TXNRD1: variants seen among roughly 807,000 people sequenced by gnomAD.
TXNRD1 encodes thioredoxin reductase 1, also known as thioredoxin reductase 1, cytoplasmic.
TXNRD1 carries 57 observed loss-of-function variants against 80.3 expected under a neutral mutation model. The observed-to-expected ratio is 0.71, with a 90% CI of 0.57 to 0.89. TXNRD1 has a LOEUF of 0.89. Ranked by LOEUF, TXNRD1 falls within the 40% of genes least tolerant of loss-of-function variation. The pLI, the probability that TXNRD1 is intolerant of heterozygous loss-of-function variation, is 0.00. For synonymous variants in TXNRD1, 291 were observed against 285.2 expected, an observed-to-expected ratio of 1.02 and a Z score of -0.20; for missense variants, 730 against 803.0, an observed-to-expected ratio of 0.91 and a Z score of 1.10.
rs111445460 is a variant in TXNRD1 at position 104,324,004 on chromosome 12, G to A, written c.1216-1333G>A. The stretch of plus-strand genomic sequence containing the variant: ...GAATGGAAGGAACCTTCTGTGGAGA[G>A]TGGGGAGAGGGTACATTTTGGACAG... On this transcript the variant is annotated intron_variant, in intron 10 of 16. Transcript: ENST00000525566. Among the ~76,000 whole-genome samples the A allele has an allele frequency of 6.9e-3, 1,045 of 152,284 alleles. 11 individuals are homozygous for A. Among genetic ancestry groups the A allele is most frequent in the Non-Finnish European group, 0.011 (738 of 68,004 alleles).
intron 2 of TXNRD1, among the ~76,000 whole-genome samples, chr12:104,254,723 A>C (rs1269239365): frequency 6.9e-6 from 1 of 144,818 alleles, no homozygotes; most frequent in Non-Finnish European, 1.5e-5. Flanking sequence ...AGGTGAGAGG[A>C]TCACTTGAGC....
At chr12:104,265,418 A>G (rs1413923190) in intron 3 of TXNRD1, 1 of 1,604,458 alleles carries the variant, frequency 6.2e-7, no homozygotes, top group Non-Finnish European at 8.5e-7. Context: ...GCGCCTAATC[A>G]TGTCGTCGCC....
chr12:104,291,196 CTTTTTTTT>C (rs35069007), intron 4 of TXNRD1: 15 of 136,344 alleles, frequency 1.1e-4, no homozygotes, highest in Non-Finnish European at 1.6e-4. Flanking sequence ...TACTTTGTGT[CTTTTTTTT>C]TTTTTTTTTT....
At chr12:104,277,199 G>A (rs540251714) in intron 3 of TXNRD1, among the ~76,000 whole-genome samples, 1 of 150,650 alleles carries the variant, frequency 6.6e-6, no homozygotes, top group African/African-American at 2.4e-5. Context: ...AGACCATCCT[G>A]GCTAATGCGG....
intron 1 of TXNRD1, among the ~76,000 whole-genome samples, chr12:104,234,638 G>A (rs1431272902): frequency 3.2e-5 from 4 of 125,898 alleles, no homozygotes; most frequent in Non-Finnish European, 1.6e-5. Context: ...TAAAGTCAGG[G>A]AAAAAAAAAA....
At chr12:104,323,345 G>A (rs1447890119) in intron 10 of TXNRD1, among the ~76,000 whole-genome samples, 4 of 151,342 alleles carry the variant, frequency 2.6e-5, no homozygotes, top group African/African-American at 7.3e-5. Context: ...GGTGGTGGCC[G>A]GGCAGAGGGG....
intron 7 of TXNRD1, among the ~76,000 whole-genome samples, chr12:104,317,472 G>T (rs11111990): frequency 2.7e-5 from 4 of 148,476 alleles, no homozygotes; most frequent in East Asian, 4.0e-4. Flanking sequence ...TGTTCTCTTA[G>T]AGGCTATAAA....
chr12:104,343,890 G>A (rs2036408435), intron 16 of TXNRD1, among the ~76,000 whole-genome samples: 1 of 151,450 alleles, frequency 6.6e-6, no homozygotes, highest in Non-Finnish European at 1.5e-5. Flanking sequence ...GATCATCTGA[G>A]GTCAGGAGTT....
chr12:104,328,700 C>T (rs373852152), intron 13 of TXNRD1, among the ~76,000 whole-genome samples: 20 of 147,430 alleles, frequency 1.4e-4, no homozygotes, highest in African/African-American at 4.5e-4. Context: ...CGGAGCTTGC[C>T]GTGAGCCGAG....
Position 104,327,531 on chromosome 12 carries a change from G to A in TXNRD1, c.1402G>A (p.Val468Ile). The A allele has an allele frequency of 6.2e-7, 1 of 1,612,610 alleles. No homozygotes were observed. Among genetic ancestry groups the A allele is most frequent in the African/African-American group, 1.3e-5 (1 of 74,950 alleles). The change falls in exon 13 of 17, where the codon GTC (valine) becomes ATC (isoleucine). Residue 468 changes from valine to isoleucine, a missense_variant. Coordinates refer to ENST00000525566, the MANE Select transcript of TXNRD1 (RefSeq NM_001093771.3). Reference sequence around the variant, plus strand: ...AAATTGCAGGACTGGAAAAATACCTGTCACAGATGAAGAACAGACCAATGT... The same window carrying A: ...AAATTGCAGGACTGGAAAAATACCTATCACAGATGAAGAACAGACCAATGT... ...KINEKTGKIP[V>I]TDEEQTNVPY... is the part of the protein sequence containing the mutation.
At chr12:104,316,010 GT>G in intron 7 of TXNRD1, 114 bp downstream of exon 7, 1 of 1,221,368 alleles carries the variant, frequency 8.2e-7, no homozygotes, top group Non-Finnish European at 1.1e-6. Flanking sequence ...TGTTTTTATT[GT>G]TTACATTTTT....
At chr12:104,304,220 G>C (rs756460076) in intron 4 of TXNRD1, 1 of 1,614,070 alleles carries the variant, frequency 6.2e-7, no homozygotes, top group Admixed American at 1.7e-5. Flanking sequence ...TCTTGTTATG[G>C]CTTCTGATTT....
intron 16 of TXNRD1, 30 bp downstream of exon 16, chr12:104,339,303 A>T: frequency 6.2e-7 from 1 of 1,612,638 alleles, no homozygotes; most frequent in South Asian, 1.1e-5. Context: ...ACAGTTTAAA[A>T]TGTTTAAAAT....
rs1235698876 is a variant in TXNRD1 at position 104,348,515 on chromosome 12, C to T, written c.*94C>T. Reference sequence around the variant, plus strand: ...AAGTTTTCTAGAGGGTTCTTGGGCTCTTGGCACCTGCGTGTCCTGTGCTTA... The same window carrying T: ...AAGTTTTCTAGAGGGTTCTTGGGCTTTTGGCACCTGCGTGTCCTGTGCTTA... On this transcript the variant is annotated 3_prime_UTR_variant, in exon 17 of 17. Transcript: ENST00000525566. 4.8e-6 allele frequency: 6 copies of T among 1,243,372 alleles called. No individual in the cohort carries two copies. The highest frequency in any genetic ancestry group is 3.5e-5 in the Admixed American group (2 of 57,860). 77.0% of individuals were successfully genotyped at this position (1,243,372 alleles called of 1,614,324 possible). A position where few individuals can be genotyped will look rare whatever the true frequency, so the allele number is the denominator to read the frequency against.
chr12:104,304,162 C>T, intron 4 of TXNRD1: 1 of 1,614,098 alleles, frequency 6.2e-7, no homozygotes, highest in Non-Finnish European at 8.5e-7. Context: ...CCAACGTCCT[C>T]TTTGATGGCG....
chr12:104,266,683 G>C (rs563221716), intron 3 of TXNRD1, among the ~76,000 whole-genome samples: 1 of 150,946 alleles, frequency 6.6e-6, no homozygotes, highest in African/African-American at 2.4e-5. Flanking sequence ...ATACAACAGG[G>C]CCGGGCGCGG....
chr12:104,290,493 G>C (rs974742480), intron 4 of TXNRD1, among the ~76,000 whole-genome samples: 5 of 151,586 alleles, frequency 3.3e-5, no homozygotes, highest in African/African-American at 1.2e-4. Context: ...AGGAGTTCCA[G>C]ATCAGCCTGG....
chr12:104,260,238 C>T (rs1291021382), intron 3 of TXNRD1, among the ~76,000 whole-genome samples: 6 of 151,828 alleles, frequency 4.0e-5, no homozygotes, highest in African/African-American at 1.2e-4. Flanking sequence ...GAGGCAGAGG[C>T]GGGAGGATTA....
chr12:104,257,767 CAT>C (rs1185689701), intron 2 of TXNRD1, among the ~76,000 whole-genome samples: 4 of 152,074 alleles, frequency 2.6e-5, no homozygotes, highest in Non-Finnish European at 5.9e-5. Context: ...AGTCACTAAA[CAT>C]ATAAAATGTA....
Sources: allele counts gnomAD v4.1 joint callset (sites outside exome capture counted in the v4.1 genomes callset), GRCh38; gene constraint gnomAD v4.1.1; transcripts MANE v1.5; gene names NCBI Gene and HGNC (gene_info 2026-07-23, HGNC 2026-07-21).